Variants in BTBD8 observed in about 807,000 individuals in gnomAD.
BTBD8 encodes the protein BTB/POZ domain-containing protein 8.
BTBD8 carries 110 observed loss-of-function variants against 162.9 expected under a neutral mutation model. The ratio of observed to expected loss-of-function variants is 0.68; its 90% CI spans 0.58 to 0.79. The LOEUF (loss-of-function observed/expected upper bound fraction) is 0.79. Among genes scored for constraint, BTBD8 ranks in the 30% least tolerant of loss-of-function variants. The probability of loss-of-function intolerance (pLI) is 0.00; values close to 1 mark genes in which losing one functional copy is unlikely to be tolerated. For synonymous variants in BTBD8, 667 were observed against 716.1 expected (o/e 0.93, Z 1.10); for missense variants, 1,905 against 2,085.4 (o/e 0.91, Z 1.68).
intron 2 of BTBD8, among the ~76,000 whole-genome samples, chr1:92,096,363 A>T (rs762243252): frequency 6.6e-6 from 1 of 152,042 alleles, no homozygotes; most frequent in South Asian, 2.1e-4. Context: ...CCCTTTGCAT[A>T]CACCTTCAAC....
Position 92,113,721 on chromosome 1 carries a change from T to G in BTBD8, c.662+5720T>G, listed in dbSNP as rs1570725423. 2.6e-5 allele frequency among the ~76,000 whole-genome samples: 4 copies of G among 152,136 alleles called. No individual in the cohort carries two copies. The South Asian group carries it at 8.3e-4, about 32-fold the overall frequency. Reference sequence around the variant, plus strand: ...TATCAGTCATTATGCAGTCAAAGATTAGAGGGGTAGGCCCGGTGCGGTGGC... The same window carrying G: ...TATCAGTCATTATGCAGTCAAAGATGAGAGGGGTAGGCCCGGTGCGGTGGC... On this transcript the variant is annotated intron_variant, in intron 4 of 17. Coordinates refer to ENST00000636805, the MANE Select transcript of BTBD8 (RefSeq NM_001376131.1).
intron 9 of BTBD8, among the ~76,000 whole-genome samples, chr1:92,159,183 T>C (rs1167650002): frequency 1.3e-5 from 2 of 151,354 alleles, no homozygotes; most frequent in Non-Finnish European, 2.9e-5. Flanking sequence ...TCTTTTTTTT[T>C]TTTTCTGGAG....
At chr1:92,176,796 C>T (rs1367897216) in intron 13 of BTBD8, 33 bp from the exon 14 acceptor site, 5 of 1,055,278 alleles carry the variant, frequency 4.7e-6, no homozygotes, top group Non-Finnish European at 6.5e-6. Context: ...AGATTTCAGT[C>T]AAATTACAAA....
chr1:92,154,332 T>C (rs1257678564), intron 9 of BTBD8, among the ~76,000 whole-genome samples: 5 of 152,216 alleles, frequency 3.3e-5, no homozygotes, highest in African/African-American at 1.2e-4. Flanking sequence ...ATGGTAGTTC[T>C]ATTTTTAATT....
rs542591252 is a variant in BTBD8, at chr1:92,177,540, A to C, written c.2347A>C (p.Thr783Pro). ...CAGTGTAGATAGTGTCAAAAATTCC[A>C]CTGTAGGTGGGTTTTAGCACTGTAA... ...KNSVDSVKNS[T>P]VAIKSRPVSR... is the part of the protein sequence containing the mutation. Residue 783 changes from threonine (T) to proline (P), a missense_variant, in exon 14 of 18, where the codon ACT becomes CCT. Transcript: ENST00000636805. 3.4e-5 allele frequency: 52 copies of C among 1,528,776 alleles called. No individual in the cohort carries two copies. In the South Asian group the frequency reaches 6.1e-4, roughly 18 times the overall value. 94.7% of individuals were successfully genotyped at this position (1,528,776 alleles called of 1,614,324 possible).
At chr1:92,175,560 C>A (rs905764567) in intron 13 of BTBD8, among the ~76,000 whole-genome samples, 1 of 147,788 alleles carries the variant, frequency 6.8e-6, no homozygotes, top group South Asian at 2.2e-4. Context: ...TTTGGGAGGC[C>A]GAGGCGGGTG....
rs145923774 is a variant in BTBD8 at position 92,172,096 on chromosome 1, A to C, written c.1635+636A>C. Among the ~76,000 whole-genome samples the C allele has an allele frequency of 7.0e-4, 99 of 141,024 alleles. 3 individuals are homozygous for C. In the East Asian group the frequency reaches 0.015, roughly 22 times the overall value. 92.5% of individuals were successfully genotyped at this position (141,024 alleles called of 152,430 possible). A position where few individuals can be genotyped will look rare whatever the true frequency, so the allele number is the denominator to read the frequency against. On this transcript the variant is annotated intron_variant, in intron 13 of 17. Transcript: ENST00000636805. ...ACAAGAGCGAAACTCCATCTCAAACAAAAAAAAAGATTTTAATTCACATAA... is the reference window on the plus strand; with the variant it reads ...ACAAGAGCGAAACTCCATCTCAAACCAAAAAAAAGATTTTAATTCACATAA...
At chr1:92,134,606 C>T (rs1649588934) in intron 5 of BTBD8, among the ~76,000 whole-genome samples, 1 of 152,230 alleles carries the variant, frequency 6.6e-6, no homozygotes, top group Non-Finnish European at 1.5e-5. Flanking sequence ...CTCAGTTACT[C>T]TCTCTTATAT....
At position 92,167,085 on chromosome 1, in the gene BTBD8, T is replaced by C; in HGVS notation, c.1250T>C (p.Ile417Thr). ...SQLQEKCIAF[I>T]VDNFSKIIQS... ...CTTCAAGAAAAATGTATTGCATTTA[T>C]TGTAGACAACTTCTCCAAGATTATT... The change falls in exon 10 of 18, where the codon ATT becomes ACT. Residue 417 changes from isoleucine to threonine, a missense_variant. By Grantham distance (89) the Ile-to-Thr change is moderately conservative. Around this residue, in one of 3 missense-constraint regions of BTBD8, gnomAD observed 1,374 missense variants for 1,442.7 expected, o/e 0.95. Coordinates refer to ENST00000636805, the MANE Select transcript of BTBD8 (RefSeq NM_001376131.1). 2.6e-6 allele frequency: 4 copies of C among 1,550,596 alleles called. No individual in the cohort carries two copies. Among genetic ancestry groups the C allele is most frequent in the Non-Finnish European group, 3.5e-6 (4 of 1,146,992 alleles).
At chr1:92,129,102 C>G (rs1246327007) in intron 4 of BTBD8, among the ~76,000 whole-genome samples, 2 of 151,352 alleles carry the variant, frequency 1.3e-5, no homozygotes, top group African/African-American at 4.9e-5. Context: ...CTTTAGCTAC[C>G]TTTTTATATT....
chr1:92,178,541 T>A (rs1650790096), intron 16 of BTBD8, 90 bp downstream of exon 16: 1 of 998,020 alleles, frequency 1.0e-6, no homozygotes, highest in Admixed American at 2.9e-5. Flanking sequence ...CAGTAGCAAA[T>A]AAGCAAAATA....
At chr1:92,090,601 C>T (rs543023209) in intron 2 of BTBD8, among the ~76,000 whole-genome samples, 3 of 152,242 alleles carry the variant, frequency 2.0e-5, no homozygotes, top group East Asian at 1.9e-4. Flanking sequence ...TTCACTTTCA[C>T]GATGGTATCA....
chr1:92,126,653 TTAAA>T (rs1375111647), intron 4 of BTBD8, among the ~76,000 whole-genome samples: 20 of 152,220 alleles, frequency 1.3e-4, no homozygotes, highest in Admixed American at 5.2e-4. Context: ...TTGTACACAA[TTAAA>T]TAGAGTTTTA....
chr1:92,154,964 G>A (rs969101188), intron 9 of BTBD8, among the ~76,000 whole-genome samples: 2 of 152,142 alleles, frequency 1.3e-5, no homozygotes, highest in African/African-American at 4.8e-5. Flanking sequence ...GGGTGAAATT[G>A]TATTCTTTTG....
At chr1:92,142,628 T>C (rs1649804921) in intron 7 of BTBD8, among the ~76,000 whole-genome samples, 1 of 152,194 alleles carries the variant, frequency 6.6e-6, no homozygotes, top group East Asian at 1.9e-4. Context: ...CGGTTACACA[T>C]GGTCCACAGC....
At chr1:92,170,215 A>G (rs932484505) in intron 12 of BTBD8, among the ~76,000 whole-genome samples, 2 of 152,188 alleles carry the variant, frequency 1.3e-5, no homozygotes, top group Non-Finnish European at 2.9e-5. Flanking sequence ...TAATCCAACT[A>G]TCCAGCTAAT....
At chr1:92,173,249 C>T (rs1329251920) in intron 13 of BTBD8, among the ~76,000 whole-genome samples, 1 of 152,074 alleles carries the variant, frequency 6.6e-6, no homozygotes, top group African/African-American at 2.4e-5. Context: ...TATAGACCGA[C>T]GATGCATATT....
At chr1:92,153,330 A>G (rs1281804984) in intron 9 of BTBD8, among the ~76,000 whole-genome samples, 4 of 152,186 alleles carry the variant, frequency 2.6e-5, no homozygotes, top group African/African-American at 9.6e-5. Flanking sequence ...CTAGTTCATT[A>G]GTATTACTTT....
At chr1:92,163,310 A>C (rs1382698068) in intron 9 of BTBD8, among the ~76,000 whole-genome samples, 38 of 121,664 alleles carry the variant, frequency 3.1e-4, no homozygotes, top group African/African-American at 7.8e-4. Context: ...AGCCGAGATC[A>C]CGCCACTGCA....
Sources: allele counts gnomAD v4.1 joint callset (sites outside exome capture counted in the v4.1 genomes callset), GRCh38; gene constraint gnomAD v4.1.1; regional missense constraint gnomAD v4.1.1; transcripts MANE v1.5; gene names NCBI Gene and HGNC (gene_info 2026-07-23, HGNC 2026-07-21).